Variants in XIRP2 observed in about 807,000 individuals in gnomAD.
XIRP2 encodes xin actin binding repeat containing 2.
Under a neutral mutation model 277.0 loss-of-function variants are expected in XIRP2, and 236 were observed. That is an observed-to-expected ratio of 0.85 (90% confidence interval 0.77 to 0.95). XIRP2 has a LOEUF of 0.95. Ranked by LOEUF, XIRP2 falls within the 40% of genes least tolerant of loss-of-function variation. The pLI is 0.00. For synonymous variants in XIRP2, 1,490 were observed against 1,416.5 expected, an observed-to-expected ratio of 1.05 and a Z score of -1.17; for missense variants, 4,640 against 4,157.5, an observed-to-expected ratio of 1.12 and a Z score of -3.19.
intron 2 of XIRP2, among the ~76,000 whole-genome samples, chr2:167,079,406 G>T (rs1032545181): frequency 3.3e-5 from 5 of 152,168 alleles, no homozygotes; most frequent in Admixed American, 1.3e-4. Flanking sequence ...AAGTAGAATT[G>T]GTACCAGCTC....
At chr2:167,097,567 T>C (rs887150401) in intron 2 of XIRP2, among the ~76,000 whole-genome samples, 6 of 152,192 alleles carry the variant, frequency 3.9e-5, no homozygotes, top group African/African-American at 1.4e-4. Flanking sequence ...AACTTTGATA[T>C]TGTTATGTGT....
intron 3 of XIRP2, among the ~76,000 whole-genome samples, chr2:167,157,739 C>T (rs199636707): frequency 2.0e-5 from 3 of 152,012 alleles, no homozygotes; most frequent in East Asian, 3.9e-4. Flanking sequence ...AGTGAAATTC[C>T]TTGACAATGC....
intron 3 of XIRP2, among the ~76,000 whole-genome samples, chr2:167,154,972 A>T (rs1337869499): frequency 2.6e-5 from 4 of 151,728 alleles, no homozygotes; most frequent in Non-Finnish European, 5.9e-5. Context: ...AAACACCTCT[A>T]CGCAAATAAA....
chr2:167,258,264 C>T lies in XIRP2; in HGVS notation c.*447C>T. The T allele has an allele frequency of 6.2e-7, 1 of 1,613,296 alleles. No individual in the cohort carries two copies. The highest frequency in any genetic ancestry group is 8.5e-7 in the Non-Finnish European group (1 of 1,179,626). The stretch of plus-strand genomic sequence containing the variant: ...CCTGAAATGACAACCCTGCTATCCC[C>T]TGAATTTAAAAGTGAATCTCTGCTA... On this transcript the variant is annotated 3_prime_UTR_variant, in exon 11 of 11. Coordinates refer to ENST00000409195, the MANE Select transcript of XIRP2 (RefSeq NM_152381.6).
chr2:166,925,090 G>A (rs369506588), intron 2 of XIRP2, among the ~76,000 whole-genome samples: 5 of 152,078 alleles, frequency 3.3e-5, no homozygotes, highest in African/African-American at 1.2e-4. Flanking sequence ...TTCAGGCTAT[G>A]CATTCACAAA....
intron 2 of XIRP2, among the ~76,000 whole-genome samples, chr2:167,087,606 T>C (rs890588115): frequency 1.3e-5 from 2 of 152,180 alleles, no homozygotes; most frequent in Admixed American, 1.3e-4. Context: ...TCCATGGGCG[T>C]AGGACCCTCC....
intron 2 of XIRP2, among the ~76,000 whole-genome samples, chr2:167,128,331 A>G (rs192068458): frequency 6.6e-6 from 1 of 152,284 alleles, no homozygotes; most frequent in Non-Finnish European, 1.5e-5. Context: ...ACCCTTGCGC[A>G]ACACAGGTCT....
In XIRP2 at chr2:167,136,011, A is replaced by G. The variant is rs1691539345; in HGVS notation, c.511A>G (p.Thr171Ala). 1 of 1,611,430 alleles carries G rather than the reference A, an allele frequency of 6.2e-7. No homozygotes were observed. Among genetic ancestry groups the G allele is most frequent in the Non-Finnish European group, 8.5e-7 (1 of 1,178,918 alleles). Residue 171 changes from threonine to alanine, a missense_variant, in exon 3 of 11, where the codon ACA becomes GCA. Physicochemically the swap from Thr to Ala is moderately conservative, Grantham distance 58. Transcript: ENST00000409195. The stretch of plus-strand genomic sequence containing the variant: ...AGATTCAGACAAGAAAGGCAAGGAA[A>G]CATCTTTTGACAAGATGTCACCTGA... ...VKDSDKKGKE[T>A]SFDKMSPESG...
At chr2:167,034,416 G>A (rs561408466) in intron 2 of XIRP2, among the ~76,000 whole-genome samples, 1 of 151,738 alleles carries the variant, frequency 6.6e-6, no homozygotes, top group East Asian at 1.9e-4. Context: ...CAAAATGGCA[G>A]TAGTAAGTCC....
In XIRP2 at chr2:167,241,105, C is replaced by G. The variant is rs577200458; in HGVS notation, c.1042+369C>G. Among the ~76,000 whole-genome samples the G allele has an allele frequency of 2.6e-5, 4 of 152,192 alleles. No homozygotes were observed. The South Asian group carries it at 8.3e-4, about 32-fold the overall frequency. On this transcript the variant is annotated intron_variant, in intron 7 of 10. Coordinates refer to ENST00000409195, the MANE Select transcript of XIRP2 (RefSeq NM_152381.6). ...TTAATTTTAATAACAGATTTAAGTA[C>G]TATTAAGTCTGGCTCTCCAACCTGT...
intron 5 of XIRP2, among the ~76,000 whole-genome samples, chr2:167,230,354 G>T (rs1041729614): frequency 6.6e-6 from 1 of 151,924 alleles, no homozygotes; most frequent in Non-Finnish European, 1.5e-5. Context: ...AACCCCCACC[G>T]TCATAGTTTC....
At chr2:167,170,904 T>G (rs1573931326) in intron 3 of XIRP2, among the ~76,000 whole-genome samples, 1 of 144,190 alleles carries the variant, frequency 6.9e-6, no homozygotes, top group East Asian at 2.0e-4. Context: ...CTTTTTTTTT[T>G]TTTTTTTTTT....
At chr2:167,147,311 A>C (rs375888911) in intron 3 of XIRP2, among the ~76,000 whole-genome samples, 2 of 152,158 alleles carry the variant, frequency 1.3e-5, no homozygotes, top group African/African-American at 4.8e-5. Context: ...TGTATCTCCA[A>C]AGAAAAGACT....
intron 3 of XIRP2, among the ~76,000 whole-genome samples, chr2:167,198,706 G>A (rs1456127309): frequency 6.6e-6 from 1 of 152,168 alleles, no homozygotes; most frequent in Non-Finnish European, 1.5e-5. Context: ...CTGAAAGAGT[G>A]AATTTACTTC....
chr2:167,013,884 G>A (rs148453622), intron 2 of XIRP2, among the ~76,000 whole-genome samples: 179 of 150,430 alleles, frequency 1.2e-3, no homozygotes, highest in African/African-American at 4.2e-3. Context: ...CCTCTTCCTC[G>A]TTCTCATCCT....
chr2:167,118,965 T>G (rs962740497), intron 2 of XIRP2, among the ~76,000 whole-genome samples: 2 of 152,086 alleles, frequency 1.3e-5, no homozygotes, highest in African/African-American at 4.8e-5. Flanking sequence ...GGAAAGGAGA[T>G]AAATTCAAGA....
chr2:167,200,817 C>A (rs959427579), intron 3 of XIRP2, among the ~76,000 whole-genome samples: 1 of 152,052 alleles, frequency 6.6e-6, no homozygotes, highest in Non-Finnish European at 1.5e-5. Flanking sequence ...AGGACTAAAG[C>A]CCTAAGAGGA....
At chr2:166,982,359 G>A (rs1344528452) in intron 2 of XIRP2, among the ~76,000 whole-genome samples, 1 of 144,606 alleles carries the variant, frequency 6.9e-6, no homozygotes, top group African/African-American at 2.5e-5. Flanking sequence ...AATATTTACT[G>A]AACTTCTTGA....
chr2:167,017,267 C>G (rs1272631727), intron 2 of XIRP2, among the ~76,000 whole-genome samples: 1 of 151,984 alleles, frequency 6.6e-6, no homozygotes, highest in African/African-American at 2.4e-5. Context: ...GTAATTTCCT[C>G]TAACCTTCAA....
Sources: allele counts gnomAD v4.1 joint callset (sites outside exome capture counted in the v4.1 genomes callset), GRCh38; gene constraint gnomAD v4.1.1; transcripts MANE v1.5; gene names NCBI Gene and HGNC (gene_info 2026-07-23, HGNC 2026-07-21).